Variants in PRAG1 observed in about 807,000 individuals in gnomAD.
The protein encoded by PRAG1 is inactive tyrosine-protein kinase PRAG1.
PRAG1 carries 110 observed loss-of-function variants against 95.6 expected under a neutral mutation model. The observed-to-expected ratio is 1.15, with a 90% CI of 0.99 to 1.35. The LOEUF is 1.35. Ranked by LOEUF, PRAG1 falls within the 40% of genes most tolerant of loss-of-function variation. The pLI is 0.00. For missense variants in PRAG1, 2,554 were observed against 1,864.7 expected, an observed-to-expected ratio of 1.37 and a Z score of -6.81; for synonymous variants, 1,052 against 819.4, an observed-to-expected ratio of 1.28 and a Z score of -4.85.
intron 3 of PRAG1, among the ~76,000 whole-genome samples, chr8:8,374,251 C>T (rs764578253): frequency 6.6e-6 from 1 of 152,222 alleles, no homozygotes; most frequent in Non-Finnish European, 1.5e-5. Flanking sequence ...GGACTGGAGA[C>T]TCAGTCACAG....
At position 8,376,425 on chromosome 8, in the gene PRAG1, G is replaced by A. The variant is rs56351643; in HGVS notation, c.1984C>T (p.Pro662Ser). The A allele has an allele frequency of 6.2e-7, 1 of 1,614,118 alleles. No homozygotes were observed. Among genetic ancestry groups the A allele is most frequent in the Non-Finnish European group, 8.5e-7 (1 of 1,180,024 alleles). ...HSWGRETKNG[P>S]TDHSNSTTWH... ...GTCGTGGAGTTTGAATGGTCCGTGG[G>A]GCCATTTTTGGTCTCTCTTCCCCAG... The change falls in exon 3 of 6, where the codon CCC becomes TCC. Residue 662 changes from proline to serine, a missense_variant. Physicochemically the swap from Pro to Ser is moderately conservative, Grantham distance 74 (BLOSUM62 -1). Coordinates refer to ENST00000615670, the MANE Select transcript of PRAG1 (RefSeq NM_001080826.3).
intron 1 of PRAG1, among the ~76,000 whole-genome samples, chr8:8,385,090 G>A (rs1270952084): frequency 2.0e-5 from 3 of 152,164 alleles, no homozygotes; most frequent in Non-Finnish European, 4.4e-5. Context: ...TACATCAGAA[G>A]TTGCTTATGC....
At chr8:8,352,463 T>A (rs2116870379) in intron 3 of PRAG1, among the ~76,000 whole-genome samples, 1 of 152,340 alleles carries the variant, frequency 6.6e-6, no homozygotes, top group Middle Eastern at 3.4e-3. Context: ...CAGGGCTCCC[T>A]GGTAATGCTT....
rs746549133 is a variant in PRAG1, at chr8:8,377,434, G to A, written c.975C>T (p.Pro325=). 6.4e-7 allele frequency: 1 copy of A among 1,559,874 alleles called. No individual in the cohort carries two copies. Among genetic ancestry groups the A allele is most frequent in the East Asian group, 2.2e-5 (1 of 44,512 alleles). Residue 325 remains proline, a synonymous_variant, in exon 3 of 6, where the codon CCC becomes CCT. Coordinates refer to ENST00000615670, the MANE Select transcript of PRAG1 (RefSeq NM_001080826.3). ...CCTCCGAGGTGAGGGACAGTTTCTT[G>A]GGGCCCAGGCAGGATGGGTGGGCAG... is the stretch of plus-strand genomic sequence containing the variant. The part of the protein sequence containing the change: ...GPTAHPSCLG[P]KKLSLTSEAA...
At position 8,328,312 on chromosome 8, in the gene PRAG1, C is replaced by A. The variant is rs748819754; in HGVS notation, c.2470G>T (p.Ala824Ser). 17 of 1,613,708 alleles carry A rather than the reference C, an allele frequency of 1.1e-5. No individual in the cohort carries two copies. Among genetic ancestry groups the A allele is most frequent in the Admixed American group, 3.3e-5 (2 of 59,994 alleles). The change falls in exon 5 of 6, where the codon GCA becomes TCA. Residue 824 changes from alanine (A) to serine (S), a missense_variant. Transcript: ENST00000615670. The stretch of plus-strand genomic sequence containing the variant: ...AAGAAGCCATCCGGTGAAGAGGCTG[C>A]CCGGCTCACTATCTTTTTCTGGGGG... The part of the protein sequence containing the change: ...PLPQKKIVSR[A>S]ASSPDGFFWT...
chr8:8,339,783 A>T (rs1799108402), intron 3 of PRAG1, 148 bp from the exon 4 acceptor site: 1 of 720,766 alleles, frequency 1.4e-6, no homozygotes, highest in Admixed American at 3.0e-5. Context: ...TTGGGGAGAC[A>T]GTAGAGGTTC....
chr8:8,322,534 C>T (rs1798507172), intron 5 of PRAG1, among the ~76,000 whole-genome samples: 1 of 152,070 alleles, frequency 6.6e-6, no homozygotes, highest in Non-Finnish European at 1.5e-5. Flanking sequence ...AAGGGCATTC[C>T]AAAGTGAACA....
At position 8,377,749 on chromosome 8, in the gene PRAG1, G is replaced by A. The variant is rs377344648; in HGVS notation, c.660C>T (p.Gly220=). ...KLAAFAGTTS[G]CHQGPGPLRE... ...GCAGGGGCCCAGGGCCCTGGTGACA[G>A]CCAGATGTGGTCCCAGCAAAGGCAG... The change falls in exon 3 of 6, where the codon GGC becomes GGT. Residue 220 remains glycine (G), a synonymous_variant. Coordinates refer to ENST00000615670, the MANE Select transcript of PRAG1 (RefSeq NM_001080826.3). 7.4e-6 allele frequency: 12 copies of A among 1,614,098 alleles called. No homozygotes were observed. Among genetic ancestry groups the A allele is most frequent in the African/African-American group, 4.0e-5 (3 of 75,066 alleles).
chr8:8,381,062 G>A (rs1800621043), intron 2 of PRAG1, among the ~76,000 whole-genome samples: 1 of 151,930 alleles, frequency 6.6e-6, no homozygotes, highest in African/African-American at 2.4e-5. Flanking sequence ...GAAGGGTATT[G>A]GGTGCATGCA....
intron 3 of PRAG1, among the ~76,000 whole-genome samples, chr8:8,343,280 CTG>C (rs898875681): frequency 6.7e-6 from 1 of 149,074 alleles, no homozygotes; most frequent in African/African-American, 2.6e-5. Context: ...GTTTGTGAGA[CTG>C]TAGATTGGTA....
chr8:8,376,072 C>T (rs1800375750), intron 3 of PRAG1, among the ~76,000 whole-genome samples, 175 bp downstream of exon 3: 1 of 152,076 alleles, frequency 6.6e-6, no homozygotes, highest in African/African-American at 2.4e-5. Flanking sequence ...CAAAGAGGGC[C>T]ACAACTCCTG....
chr8:8,356,010 T>C (rs1357943098), intron 3 of PRAG1, among the ~76,000 whole-genome samples: 3 of 152,152 alleles, frequency 2.0e-5, no homozygotes, highest in African/African-American at 7.2e-5. Flanking sequence ...GGAAAAAATG[T>C]TTGCAAACCA....
In PRAG1 at chr8:8,377,583, G is replaced by A. The variant is rs759699772; in HGVS notation, c.826C>T (p.Arg276Trp). Residue 276 changes from arginine (R) to tryptophan (W), a missense_variant, in exon 3 of 6, where the codon CGG (arginine) becomes TGG (tryptophan). Transcript: ENST00000615670. ...CAGTCCCTGCCACCATGCCTGCCCC[G>A]GGAACCTGCAGTCTGGGAGGCAGCC... ...AKAASQTAGS[R>W]GRHGGRDCSP... 1.2e-4 allele frequency: 192 copies of A among 1,611,740 alleles called. No homozygotes were observed. Among genetic ancestry groups the A allele is most frequent in the Middle Eastern group, 3.3e-4 (2 of 6,080 alleles).
chr8:8,377,900 CG>C lies in PRAG1; in HGVS notation c.508del (p.Arg170AlafsTer11). ...TMVGLHNLEP[R>X]GERNIAFHPV... The stretch of plus-strand genomic sequence containing the variant: ...GTGGAAGGCAATGTTCCTCTCGCCG[CG>C]GGGCTCAAGGTTGTGCAGGCCGACC... On this transcript the variant is annotated frameshift_variant, in exon 3 of 6. Coordinates refer to ENST00000615670, the MANE Select transcript of PRAG1 (RefSeq NM_001080826.3). LOFTEE classifies it high-confidence loss of function. 6.2e-6 allele frequency: 10 copies of C among 1,614,060 alleles called. No individual in the cohort carries two copies. The highest frequency in any genetic ancestry group is 6.8e-6 in the Non-Finnish European group (8 of 1,179,992).
chr8:8,373,887 CTCTGATCTCAACCCAGATG>C (rs1160578080), intron 3 of PRAG1, among the ~76,000 whole-genome samples: 1 of 152,052 alleles, frequency 6.6e-6, no homozygotes, highest in African/African-American at 2.4e-5. Flanking sequence ...GCCGAAAAAA[CTCTGATCTCAACCCAGATG>C]CTAATTAAAA....
intron 3 of PRAG1, among the ~76,000 whole-genome samples, chr8:8,367,060 C>T (rs955809696): frequency 1.3e-5 from 2 of 152,100 alleles, no homozygotes; most frequent in Admixed American, 6.5e-5. Flanking sequence ...ACCCCCACCT[C>T]CCTACAACCT....
chr8:8,337,470 A>AAG (rs950633457), intron 4 of PRAG1, among the ~76,000 whole-genome samples: 16 of 151,534 alleles, frequency 1.1e-4, no homozygotes, highest in Admixed American at 3.3e-4. Context: ...TGTCAAAAAG[A>AAG]AGAGAGAGAG....
At chr8:8,331,187 C>A (rs891621824) in intron 4 of PRAG1, among the ~76,000 whole-genome samples, 1 of 152,152 alleles carries the variant, frequency 6.6e-6, no homozygotes, top group Non-Finnish European at 1.5e-5. Flanking sequence ...CAAGTCCAGT[C>A]GGCTAGGGAG....
In PRAG1 at chr8:8,328,145, G is replaced by A. The variant is rs757494861; in HGVS notation, c.2637C>T (p.Ser879=). 22 of 1,614,110 alleles carry A rather than the reference G, an allele frequency of 1.4e-5. No individual in the cohort carries two copies. Among genetic ancestry groups the A allele is most frequent in the East Asian group, 2.2e-5 (1 of 44,896 alleles). The change falls in exon 5 of 6, where the codon TCC becomes TCT. Residue 879 remains serine (S), a synonymous_variant. Coordinates refer to ENST00000615670, the MANE Select transcript of PRAG1 (RefSeq NM_001080826.3). The part of the protein sequence containing the change: ...GNRHHPVFSS[S]DPLEKAFKGS... ...CTTTGAAAGCTTTCTCCAGAGGATC[G>A]GAAGAGGAGAAGACAGGATGGTGGC...
Sources: gnomAD v4.1 joint callset for allele counts (sites outside exome capture counted in the v4.1 genomes callset) on GRCh38, gnomAD v4.1.1 for gene constraint, MANE v1.5 for transcripts, NCBI Gene and HGNC (gene_info 2026-07-23, HGNC 2026-07-21) for gene names.